The following FRK variants were observed in gnomAD, a reference collection of about 807,000 sequenced individuals.
The protein encoded by FRK is fyn related Src family tyrosine kinase, also known as tyrosine-protein kinase FRK.
A neutral mutation model predicts 56.4 loss-of-function variants in FRK; 51 were observed. The observed-to-expected ratio is 0.90, with a 90% CI of 0.72 to 1.14. The LOEUF is 1.14. FRK is among the 50% of genes most tolerant of loss of function. FRK has a pLI of 0.00. For missense variants in FRK, 570 were observed against 601.4 expected (o/e 0.95, Z 0.55); for synonymous variants, 245 against 217.9 (o/e 1.12, Z -1.10).
At chr6:116,072,557 AC>A in the FRK span, among the ~76,000 whole-genome samples, 7 of 147,184 alleles carry the variant, frequency 4.8e-5, no homozygotes, top group South Asian at 2.1e-4. Flanking sequence ...ACACACACAC[AC>A]ACACACAAGA....
Position 115,962,315 on chromosome 6 carries a change from G to A in FRK, c.799+5236C>T, listed in dbSNP as rs193264566. Among the ~76,000 whole-genome samples, 960 of 151,314 alleles carry A rather than the reference G, an allele frequency of 6.3e-3. 11 individuals are homozygous for A. The highest frequency in any genetic ancestry group is 0.022 in the African/African-American group (895 of 41,076). On this transcript the variant is annotated intron_variant, in intron 4 of 7. Transcript: ENST00000606080. ...AGACAAAGAAGGCCATTACATAATG[G>A]TAAAGGGATCAATTCAACAAGAGAG... is the stretch of plus-strand genomic sequence containing the variant.
the FRK span, among the ~76,000 whole-genome samples, chr6:116,089,971 G>A: frequency 6.6e-6 from 1 of 152,132 alleles, no homozygotes; most frequent in African/African-American, 2.4e-5. Flanking sequence ...GCCAGATTTA[G>A]CAAATAAAAA....
chr6:115,999,814 T>C (rs1774985264), intron 2 of FRK, among the ~76,000 whole-genome samples: 1 of 152,258 alleles, frequency 6.6e-6, no homozygotes, highest in African/African-American at 2.4e-5. Context: ...TTTTCTTTCC[T>C]TTCCATTTTT....
At chr6:116,090,532 T>C in the FRK span, among the ~76,000 whole-genome samples, 1 of 152,224 alleles carries the variant, frequency 6.6e-6, no homozygotes, top group Non-Finnish European at 1.5e-5. Flanking sequence ...GAGTCAAAAC[T>C]AAACATGTTT....
chr6:116,059,657 GT>G (rs1356838855), intron 1 of FRK, among the ~76,000 whole-genome samples: 2 of 152,154 alleles, frequency 1.3e-5, no homozygotes, highest in Non-Finnish European at 2.9e-5. Context: ...TATTGCTAAA[GT>G]GAGGCATGAG....
At chr6:116,040,151 CTTT>C (rs900011313) in intron 1 of FRK, among the ~76,000 whole-genome samples, 57 of 151,886 alleles carry the variant, frequency 3.8e-4, no homozygotes, top group African/African-American at 1.4e-3. Flanking sequence ...GTTTTAATGT[CTTT>C]CTTATTTAAG....
chr6:116,090,993 G>C, the FRK span, among the ~76,000 whole-genome samples: 8 of 151,998 alleles, frequency 5.3e-5, no homozygotes, highest in Admixed American at 4.6e-4. Context: ...TTTTAAAATT[G>C]TAATCCTGCC....
intron 2 of FRK, among the ~76,000 whole-genome samples, chr6:115,975,895 T>C (rs1029689887): frequency 6.6e-6 from 1 of 152,140 alleles, no homozygotes; most frequent in African/African-American, 2.4e-5. Flanking sequence ...CGTGGGTAAG[T>C]ATGTATCAGG....
At chr6:116,093,948 A>G in the FRK span, among the ~76,000 whole-genome samples, 1 of 152,174 alleles carries the variant, frequency 6.6e-6, no homozygotes, top group Non-Finnish European at 1.5e-5. Context: ...TGGCAACCTC[A>G]GTGTTCTATA....
intron 4 of FRK, among the ~76,000 whole-genome samples, chr6:115,966,937 A>C (rs1253106786): frequency 6.6e-6 from 1 of 150,798 alleles, no homozygotes; most frequent in African/African-American, 2.4e-5. Flanking sequence ...ACTGAAGCAT[A>C]GAGTTCAAAA....
At chr6:116,074,475 C>T in the FRK span, among the ~76,000 whole-genome samples, 24 of 152,120 alleles carry the variant, frequency 1.6e-4, no homozygotes, top group South Asian at 3.3e-3. Flanking sequence ...CTTATTTCTT[C>T]GAGTAATCAG....
chr6:115,955,397 T>C (rs531652748), intron 5 of FRK, among the ~76,000 whole-genome samples: 2 of 152,278 alleles, frequency 1.3e-5, no homozygotes, highest in Admixed American at 1.3e-4. Flanking sequence ...GCATTTTTTG[T>C]TAGCTATGAC....
At chr6:116,004,525 G>C (rs1046941564) in intron 1 of FRK, among the ~76,000 whole-genome samples, 1 of 152,052 alleles carries the variant, frequency 6.6e-6, no homozygotes, top group Admixed American at 6.6e-5. Context: ...GTCCAACCCT[G>C]CCATAAGATG....
chr6:115,998,111 CAG>C (rs1445702106), intron 2 of FRK, among the ~76,000 whole-genome samples: 1 of 152,212 alleles, frequency 6.6e-6, no homozygotes, highest in Non-Finnish European at 1.5e-5. Flanking sequence ...TCTGCTAGAG[CAG>C]AGACAGTGCA....
At chr6:115,956,815 G>A (rs1421321993) in intron 4 of FRK, among the ~76,000 whole-genome samples, 2 of 152,102 alleles carry the variant, frequency 1.3e-5, no homozygotes, top group East Asian at 1.9e-4. Flanking sequence ...AGGAGTATAC[G>A]GTTTATATGT....
At chr6:115,976,081 C>T (rs183923206) in intron 2 of FRK, among the ~76,000 whole-genome samples, 7 of 152,144 alleles carry the variant, frequency 4.6e-5, no homozygotes, top group Non-Finnish European at 7.4e-5. Flanking sequence ...TCCTATTTGC[C>T]AAACCCAAGT....
chr6:115,942,969 C>G, intron 7 of FRK, 51 bp downstream of exon 7: 1 of 1,564,452 alleles, frequency 6.4e-7, no homozygotes, highest in Non-Finnish European at 8.7e-7. Context: ...AAAATCACAC[C>G]TAAGTAAGTG....
At chr6:115,974,266 C>A (rs113993169) in intron 2 of FRK, among the ~76,000 whole-genome samples, 1 of 152,248 alleles carries the variant, frequency 6.6e-6, no homozygotes, top group African/African-American at 2.4e-5. Context: ...AAGCTAGAGA[C>A]TAAAGTAAAT....
the FRK span, among the ~76,000 whole-genome samples, chr6:116,083,374 T>C: frequency 7.3e-6 from 1 of 137,684 alleles, no homozygotes; most frequent in Non-Finnish European, 1.7e-5. Context: ...AAAAAAAGCT[T>C]TGTTTTGTTT....
Sources: allele counts gnomAD v4.1 joint callset (sites outside exome capture counted in the v4.1 genomes callset), GRCh38; gene constraint gnomAD v4.1.1; transcripts MANE v1.5; gene names NCBI Gene and HGNC (gene_info 2026-07-23, HGNC 2026-07-21).